The following ULK2 variants were observed in gnomAD, a reference collection of about 807,000 sequenced individuals.
The protein encoded by ULK2 is serine/threonine-protein kinase ULK2.
A neutral mutation model predicts 127.5 loss-of-function variants in ULK2; 76 were observed. That is an observed-to-expected ratio of 0.60 (90% CI 0.50 to 0.72). The LOEUF (loss-of-function observed/expected upper bound fraction) is 0.72. ULK2 is among the 30% of genes least tolerant of loss of function. The pLI, the probability that ULK2 is intolerant of heterozygous loss-of-function variation, is 0.00. For synonymous variants in ULK2, 452 were observed against 461.9 expected (o/e 0.98, Z 0.28); for missense variants, 1,144 against 1,295.9 (o/e 0.88, Z 1.80).
intron 10 of ULK2, among the ~76,000 whole-genome samples, chr17:19,829,448 G>A (rs1317866211): frequency 6.8e-6 from 1 of 146,096 alleles, no homozygotes; most frequent in Non-Finnish European, 1.5e-5. Flanking sequence ...GAGGTGAGAG[G>A]ATCACTTGAG....
At position 19,867,480 on chromosome 17, in the gene ULK2, C is replaced by A; in HGVS notation, c.-63G>T. ...GCGCAGTGCGGCGCAGGTATCAGCA[C>A]CGCGGCTCCGCGGGCCCGGAGCGCG... On this transcript the variant is annotated 5_prime_UTR_variant, in exon 1 of 27. Coordinates refer to ENST00000395544, the MANE Select transcript of ULK2 (RefSeq NM_014683.4). 1 of 1,328,564 alleles carries A rather than the reference C, an allele frequency of 7.5e-7. No homozygotes were observed. The highest frequency in any genetic ancestry group is 1.0e-6 in the Non-Finnish European group (1 of 1,000,032). The allele number at this position is 1,328,564 out of a possible 1,614,324, so 82.3% of individuals were successfully genotyped here.
At chr17:19,785,906 C>A in intron 21 of ULK2, 31 bp downstream of exon 21, 1 of 1,590,642 alleles carries the variant, frequency 6.3e-7, no homozygotes, top group South Asian at 1.1e-5. Context: ...AAATACTAGC[C>A]AAAGACTGTA....
intron 10 of ULK2, among the ~76,000 whole-genome samples, chr17:19,835,920 G>A (rs1168974553): frequency 2.6e-5 from 4 of 151,916 alleles, no homozygotes; most frequent in Non-Finnish European, 2.9e-5. Context: ...CCAGGAATTC[G>A]AGAACAGCCC....
intron 15 of ULK2, among the ~76,000 whole-genome samples, chr17:19,802,844 G>A (rs1037672593): frequency 1.3e-5 from 2 of 152,136 alleles, no homozygotes; most frequent in African/African-American, 4.8e-5. Flanking sequence ...TTTTACCTGT[G>A]CATGATTTTT....
At chr17:19,799,219 C>G (rs1395860839) in intron 17 of ULK2, among the ~76,000 whole-genome samples, 1 of 151,234 alleles carries the variant, frequency 6.6e-6, no homozygotes, top group Non-Finnish European at 1.5e-5. Context: ...AATTTCACTC[C>G]ATAAATAAAT....
rs200957091 is a variant in ULK2 at position 19,795,601 on chromosome 17, A to G, written c.2101+21T>C. 96 of 1,603,266 alleles carry G rather than the reference A, an allele frequency of 6.0e-5. No homozygotes were observed. In the African/African-American group the frequency reaches 1.2e-3, roughly 20 times the overall value. ...TATGCTAGCAAATTACCTGCCTAAA[A>G]AGAAACTACATTTTTCTTACCTATA... On this transcript the variant is annotated intron_variant, in intron 20 of 26. Coordinates refer to ENST00000395544, the MANE Select transcript of ULK2 (RefSeq NM_014683.4).
In ULK2 at chr17:19,833,851, A is replaced by G. The variant is rs186043642; in HGVS notation, c.787+4650T>C. Reference sequence around the variant, plus strand: ...AAGCATAGACCATTAAGTGCACACAATGGGAGTCTCAGAGAAGAGAAAGAG... The same window carrying G: ...AAGCATAGACCATTAAGTGCACACAGTGGGAGTCTCAGAGAAGAGAAAGAG... On this transcript the variant is annotated intron_variant, in intron 10 of 26. Coordinates refer to ENST00000395544, the MANE Select transcript of ULK2 (RefSeq NM_014683.4). 2.6e-5 allele frequency among the ~76,000 whole-genome samples: 4 copies of G among 152,328 alleles called. No homozygotes were observed. The East Asian group carries it at 5.8e-4, about 22-fold the overall frequency.
At chr17:19,861,510 G>A (rs1176294435) in intron 3 of ULK2, among the ~76,000 whole-genome samples, 5 of 151,524 alleles carry the variant, frequency 3.3e-5, no homozygotes, top group Admixed American at 2.6e-4. Context: ...GCGCCACTGC[G>A]CTCCAGCCTG....
intron 26 of ULK2, among the ~76,000 whole-genome samples, chr17:19,776,984 CACA>C (rs1252176172): frequency 1.3e-5 from 2 of 152,208 alleles, no homozygotes; most frequent in Non-Finnish European, 2.9e-5. Flanking sequence ...CTGTAATCCT[CACA>C]ACAACCCTGC....
At chr17:19,792,480 C>G (rs989531972) in intron 20 of ULK2, among the ~76,000 whole-genome samples, 2 of 152,206 alleles carry the variant, frequency 1.3e-5, no homozygotes, top group African/African-American at 4.8e-5. Context: ...GATCAAGTGC[C>G]TTGAACTTGG....
In ULK2 at chr17:19,795,677, T is replaced by C. The variant is rs1343419217; in HGVS notation, c.2046A>G (p.Ile682Met). 6.2e-7 allele frequency: 1 copy of C among 1,614,100 alleles called. No individual in the cohort carries two copies. Among genetic ancestry groups the C allele is most frequent in the Admixed American group, 1.7e-5 (1 of 60,028 alleles). The change falls in exon 20 of 27, where the codon ATA becomes ATG. Residue 682 changes from isoleucine (I) to methionine (M), a missense_variant. Coordinates refer to ENST00000395544, the MANE Select transcript of ULK2 (RefSeq NM_014683.4). ...TGTCTGTGCTGCCCTGATGTCGACA[T>C]ATAGGAGTCTTTCCTTGTTGATCTG... ...KLSDQQGKTPICRHQGSTDSL... is the reference protein window; with the variant it reads ...KLSDQQGKTPMCRHQGSTDSL...
At chr17:19,812,001 A>G (rs1328672574) in intron 13 of ULK2, among the ~76,000 whole-genome samples, 2 of 152,220 alleles carry the variant, frequency 1.3e-5, no homozygotes, top group Non-Finnish European at 2.9e-5. Flanking sequence ...AAAAGTTCAC[A>G]GCCACCAAAA....
chr17:19,808,263 T>C (rs1240072463), intron 14 of ULK2, among the ~76,000 whole-genome samples: 1 of 152,052 alleles, frequency 6.6e-6, no homozygotes, highest in Non-Finnish European at 1.5e-5. Flanking sequence ...TCATACACCA[T>C]ACACAAAAAT....
In ULK2 at chr17:19,837,336, C is replaced by T. The variant is rs533494278; in HGVS notation, c.787+1165G>A. Among the ~76,000 whole-genome samples the T allele has an allele frequency of 1.4e-4, 21 of 151,954 alleles. No homozygotes were observed. In the South Asian group the frequency reaches 2.1e-3, roughly 15 times the overall value. ...TGGGGAGGCTGAGGTGGGAGGATCA[C>T]CTGAGCCTGGGAAAGTCAAGGCTGC... On this transcript the variant is annotated intron_variant, in intron 10 of 26. Transcript: ENST00000395544.
chr17:19,850,263 T>C (rs146133207), intron 3 of ULK2, among the ~76,000 whole-genome samples: 1 of 152,180 alleles, frequency 6.6e-6, no homozygotes, highest in Non-Finnish European at 1.5e-5. Context: ...TTCTGTTTTT[T>C]ATGTTTATTT....
intron 14 of ULK2, among the ~76,000 whole-genome samples, chr17:19,809,520 T>C (rs2087583346): frequency 6.7e-6 from 1 of 150,208 alleles, no homozygotes; most frequent in Non-Finnish European, 1.5e-5. Context: ...TCACCTGAGG[T>C]CAGGAGTTTG....
rs1463966508 is a variant in ULK2 at position 19,797,450 on chromosome 17, A to T, written c.1755T>A (p.Ser585Arg). 1 of 1,613,896 alleles carries T rather than the reference A, an allele frequency of 6.2e-7. No homozygotes were observed. The highest frequency in any genetic ancestry group is 8.5e-7 in the Non-Finnish European group (1 of 1,179,954). ...AAGGAGTTTTAAAGAACCAGTCAGA[A>T]CTCCGTGGAGAGGACCCCAAGTGCT... is the stretch of plus-strand genomic sequence containing the variant. ...PTKHLGSSPRSSDWFFKTPLP... is the reference protein window; with the variant it reads ...PTKHLGSSPRRSDWFFKTPLP... Residue 585 changes from serine (S) to arginine (R), a missense_variant, in exon 18 of 27, where the codon AGT (serine) becomes AGA (arginine). Ser to Arg is a moderately radical substitution (Grantham distance 110). Transcript: ENST00000395544.
rs1267961417 is a variant in ULK2 at position 19,853,679 on chromosome 17, C to T, written c.226-3905G>A. 2.6e-5 allele frequency among the ~76,000 whole-genome samples: 4 copies of T among 151,882 alleles called. No individual in the cohort carries two copies. The East Asian group carries it at 5.8e-4, about 22-fold the overall frequency. ...CTCCACCTCCCGGGTTCACGCCATT[C>T]TCCTGCCTCAGCCTCCCGAGTAGCT... On this transcript the variant is annotated intron_variant, in intron 3 of 26. Coordinates refer to ENST00000395544, the MANE Select transcript of ULK2 (RefSeq NM_014683.4).
intron 14 of ULK2, among the ~76,000 whole-genome samples, 189 bp from the exon 15 acceptor site, chr17:19,805,019 T>C (rs900302599): frequency 6.7e-6 from 1 of 148,752 alleles, no homozygotes; most frequent in African/African-American, 2.5e-5. Context: ...TCTAAAAAAC[T>C]CCTGGCATTC....
Sources: gnomAD v4.1 joint callset for allele counts (sites outside exome capture counted in the v4.1 genomes callset) on GRCh38, gnomAD v4.1.1 for gene constraint, MANE v1.5 for transcripts, NCBI Gene and HGNC (gene_info 2026-07-23, HGNC 2026-07-21) for gene names.